B4GALNT3: variants seen among roughly 807,000 people sequenced by gnomAD.
B4GALNT3 encodes beta-1,4-N-acetylgalactosaminyltransferase 3.
Under a neutral mutation model 120.2 loss-of-function variants are expected in B4GALNT3, and 86 were observed. The ratio of observed to expected loss-of-function variants is 0.72; its 90% confidence interval spans 0.60 to 0.86. The LOEUF is 0.86. Ranked by LOEUF, B4GALNT3 falls within the 40% of genes least tolerant of loss-of-function variation. B4GALNT3 has a pLI of 0.00. For missense variants in B4GALNT3, 1,167 were observed against 1,298.9 expected (o/e 0.90, Z 1.56); for synonymous variants, 518 against 510.4 (o/e 1.01, Z -0.20).
rs1319906165 is a variant in B4GALNT3 at position 550,881 on chromosome 12, GCTCACC to G, written c.998-29_998-24del. The G allele has an allele frequency of 2.7e-6, 4 of 1,506,290 alleles. No homozygotes were observed. The highest frequency in any genetic ancestry group is 2.8e-6 in the Non-Finnish European group (3 of 1,085,284). 93.3% of individuals were successfully genotyped at this position (1,506,290 alleles called of 1,614,324 possible). ...CAGAGGACTTCAGCCCCAGTTTCGTGCTCACCCTCACCCTCACTCCTCCTCCTCCAC... is the reference window on the plus strand; with the variant it reads ...CAGAGGACTTCAGCCCCAGTTTCGTGCTCACCCTCACTCCTCCTCCTCCAC... On this transcript the variant is annotated intron_variant, in intron 10 of 19. Coordinates refer to ENST00000266383, the MANE Select transcript of B4GALNT3 (RefSeq NM_173593.4). The surrounding 1 kb of genome is among the most constrained non-coding windows in gnomAD (Gnocchi z 4.1).
intron 1 of B4GALNT3, among the ~76,000 whole-genome samples, chr12:517,418 T>C (rs536582980): frequency 6.6e-6 from 1 of 152,210 alleles, no homozygotes; most frequent in African/African-American, 2.4e-5. Flanking sequence ...GGTAAACATA[T>C]GTTACTTGTA....
Position 559,436 on chromosome 12 carries a change from G to A in B4GALNT3, c.2888+15G>A, listed in dbSNP as rs370346992. On this transcript the variant is annotated intron_variant, in intron 19 of 19. Transcript: ENST00000266383. Reference sequence around the variant, plus strand: ...CTGCTGGACAGGTGACTGGGAAGAGGAGGGCATCCACGAGGCCTGGGAATT... The same window carrying A: ...CTGCTGGACAGGTGACTGGGAAGAGAAGGGCATCCACGAGGCCTGGGAATT... 1 of 1,612,784 alleles carries A rather than the reference G, an allele frequency of 6.2e-7. No individual in the cohort carries two copies. Among genetic ancestry groups the A allele is most frequent in the African/African-American group, 1.3e-5 (1 of 75,024 alleles).
intron 1 of B4GALNT3, among the ~76,000 whole-genome samples, chr12:525,767 C>G (rs963256892): frequency 6.6e-6 from 1 of 152,182 alleles, no homozygotes; most frequent in African/African-American, 2.4e-5. Context: ...CTAAACCGTT[C>G]AGAGCATCCA....
chr12:555,877 G>A (rs1291265987), intron 14 of B4GALNT3, among the ~76,000 whole-genome samples: 3 of 151,744 alleles, frequency 2.0e-5, no homozygotes, highest in Admixed American at 6.6e-5. Flanking sequence ...TCCGCCTCCC[G>A]GGTTCACGCC....
At chr12:471,800 T>C (rs56019861) in intron 1 of B4GALNT3, among the ~76,000 whole-genome samples, 3,480 of 152,294 alleles carry the variant, frequency 0.023, 62 homozygotes, top group South Asian at 0.078. Context: ...TATTTAATTA[T>C]CTAAAATTGT....
At chr12:479,717 G>A (rs956430316) in intron 1 of B4GALNT3, among the ~76,000 whole-genome samples, 1 of 152,118 alleles carries the variant, frequency 6.6e-6, no homozygotes, top group Non-Finnish European at 1.5e-5. Context: ...GCAGGAGGAC[G>A]GCAGAAGCCA....
At chr12:476,711 A>C (rs1304679060) in intron 1 of B4GALNT3, among the ~76,000 whole-genome samples, 4 of 152,234 alleles carry the variant, frequency 2.6e-5, no homozygotes, top group East Asian at 1.9e-4. Context: ...TGTTTATTAT[A>C]ACTTAATCAG....
In B4GALNT3 at chr12:545,663, AGGAGCGAGGTGTGG is replaced by A. The variant is rs1299630709; in HGVS notation, c.639+199_639+212del. On this transcript the variant is annotated intron_variant, in intron 6 of 19. Transcript: ENST00000266383. Reference sequence around the variant, plus strand: ...GGATGGGGAGGAGTGAGGAGTGGGGAGGAGCGAGGTGTGGGGAGGAGCGAGGTGTGGGGAGGAGT... The same window carrying A: ...GGATGGGGAGGAGTGAGGAGTGGGGAGGAGGAGCGAGGTGTGGGGAGGAGT... Among the ~76,000 whole-genome samples the A allele has an allele frequency of 8.8e-4, 118 of 134,626 alleles. 1 individual carries two copies. Among genetic ancestry groups the A allele is most frequent in the Non-Finnish European group, 1.5e-3 (95 of 61,888 alleles). 88.3% of individuals were successfully genotyped at this position (134,626 alleles called of 152,430 possible).
At chr12:500,246 C>G (rs1946425528) in intron 1 of B4GALNT3, among the ~76,000 whole-genome samples, 1 of 152,140 alleles carries the variant, frequency 6.6e-6, no homozygotes, top group South Asian at 2.1e-4. Flanking sequence ...TGGGCTCAAG[C>G]GATCCTCCCG....
At chr12:469,680 G>T (rs1475955609) in intron 1 of B4GALNT3, among the ~76,000 whole-genome samples, 1 of 152,086 alleles carries the variant, frequency 6.6e-6, no homozygotes, top group African/African-American at 2.4e-5. Flanking sequence ...CTGTCTGGGG[G>T]GCTGTACCAG....
chr12:462,431 G>A (rs1946030791), intron 1 of B4GALNT3, among the ~76,000 whole-genome samples: 1 of 149,490 alleles, frequency 6.7e-6, no homozygotes, highest in Non-Finnish European at 1.5e-5. Context: ...TCTGGCCCTC[G>A]ACCTCTGCCT....
intron 2 of B4GALNT3, 124 bp downstream of exon 2, chr12:535,393 C>A: frequency 2.7e-6 from 2 of 747,840 alleles, no homozygotes; most frequent in South Asian, 3.6e-5. Context: ...TAAACAGCCC[C>A]CAGAGTCCTA....
chr12:538,583 A>G (rs1469321861), intron 3 of B4GALNT3, among the ~76,000 whole-genome samples: 1 of 150,164 alleles, frequency 6.7e-6, no homozygotes, highest in Non-Finnish European at 1.5e-5. Flanking sequence ...AAAAAAAAAG[A>G]AATATTGGCT....
At chr12:467,818 C>T (rs11612228) in intron 1 of B4GALNT3, among the ~76,000 whole-genome samples, 38,917 of 152,120 alleles carry the variant, frequency 0.26, 5,803 homozygotes, top group Middle Eastern at 0.35. Flanking sequence ...TGTATGAGAA[C>T]GCTCTAAACA....
At chr12:503,006 G>T (rs1248103336) in intron 1 of B4GALNT3, among the ~76,000 whole-genome samples, 1 of 152,110 alleles carries the variant, frequency 6.6e-6, no homozygotes, top group African/African-American at 2.4e-5. Flanking sequence ...CTATTCTCCT[G>T]TCTTGGCTTC....
rs896285826 is a variant in B4GALNT3, at chr12:488,673, T to A, written c.169+28128T>A. On this transcript the variant is annotated intron_variant, in intron 1 of 19. Coordinates refer to ENST00000266383, the MANE Select transcript of B4GALNT3 (RefSeq NM_173593.4). ...AAATTTAAAAATTAAATTTTTAAAA[T>A]TTTTTTAACAATGGCACATGCATGT... Among the ~76,000 whole-genome samples the A allele has an allele frequency of 2.0e-5, 3 of 152,158 alleles. No individual in the cohort carries two copies. The East Asian group carries it at 5.8e-4, about 29-fold the overall frequency.
chr12:553,394 T>C lies in B4GALNT3; in HGVS notation c.1471T>C (p.Ser491Pro), dbSNP rs149506391. The C allele has an allele frequency of 9.7e-5, 156 of 1,613,844 alleles. No homozygotes were observed. The African/African-American group carries it at 2.0e-3, about 20-fold the overall frequency. The change falls in exon 14 of 20, where the codon TCC (serine) becomes CCC (proline). Residue 491 changes from serine to proline, a missense_variant. By Grantham distance (74) the Ser-to-Pro change is moderately conservative. Coordinates refer to ENST00000266383, the MANE Select transcript of B4GALNT3 (RefSeq NM_173593.4). ...QPREGLLAPF[S>P]KRNSTASFPG... ...CCGGGAGGGCCTGCTGGCCCCCTTC[T>C]CCAAGCGGAACTCCACAGCGTCCTT...
rs549156397 is a variant in B4GALNT3 at position 553,450 on chromosome 12, G to A, written c.1527G>A (p.Gln509=). 1.2e-6 allele frequency: 2 copies of A among 1,614,148 alleles called. No individual in the cohort carries two copies. The highest frequency in any genetic ancestry group is 1.3e-5 in the African/African-American group (1 of 75,076). Residue 509 remains glutamine, a synonymous_variant, in exon 14 of 20, where the codon CAG becomes CAA. Coordinates refer to ENST00000266383, the MANE Select transcript of B4GALNT3 (RefSeq NM_173593.4). The part of the protein sequence containing the change: ...FPGRTSHIPV[Q]QPEKRKQKPS... ...GGAGGACCAGCCACATTCCAGTGCA[G>A]CAGCCAGAGAAGAGGAAGCAAAAAC...
At chr12:560,967 C>T (rs1947223832) in intron 19 of B4GALNT3, among the ~76,000 whole-genome samples, 1 of 152,248 alleles carries the variant, frequency 6.6e-6, no homozygotes, top group Non-Finnish European at 1.5e-5. Flanking sequence ...TTATGGGGCA[C>T]TCAGAGTGTG....
Sources: allele counts gnomAD v4.1 joint callset (sites outside exome capture counted in the v4.1 genomes callset), GRCh38; gene constraint gnomAD v4.1.1; non-coding constraint Gnocchi (gnomAD v3.1); transcripts MANE v1.5; gene names NCBI Gene and HGNC (gene_info 2026-07-23, HGNC 2026-07-21).